Variants in KCNT2 observed in about 807,000 individuals in gnomAD.
KCNT2 encodes the protein potassium sodium-activated channel subfamily T member 2.
Under a neutral mutation model 153.8 loss-of-function variants are expected in KCNT2, and 67 were observed. The observed-to-expected ratio is 0.44, with a 90% CI of 0.36 to 0.53. KCNT2 has a LOEUF of 0.53. KCNT2 is among the 20% of genes least tolerant of loss of function. The pLI, the probability that KCNT2 is intolerant of heterozygous loss-of-function variation, is 0.00. For synonymous variants in KCNT2, 500 were observed against 458.8 expected (o/e 1.09, Z -1.15); for missense variants, 975 against 1,354.8 (o/e 0.72, Z 4.40).
At chr1:196,548,045 C>T (rs1657356825) in intron 1 of KCNT2, among the ~76,000 whole-genome samples, 1 of 151,434 alleles carries the variant, frequency 6.6e-6, no homozygotes, top group South Asian at 2.1e-4. Flanking sequence ...TATGGTGCTA[C>T]TCATTAAATA....
At chr1:196,547,349 T>TA (rs922122122) in intron 1 of KCNT2, among the ~76,000 whole-genome samples, 22 of 151,408 alleles carry the variant, frequency 1.5e-4, no homozygotes, top group East Asian at 7.8e-4. Context: ...TGCCATTATT[T>TA]AAAAAAAAAT....
chr1:196,366,087 A>G (rs374654694), intron 14 of KCNT2, among the ~76,000 whole-genome samples: 1 of 152,076 alleles, frequency 6.6e-6, no homozygotes, highest in African/African-American at 2.4e-5. Context: ...TCAGATCTCA[A>G]CTTTTACTAC....
At chr1:196,411,810 C>T (rs1672362410) in intron 12 of KCNT2, among the ~76,000 whole-genome samples, 1 of 151,718 alleles carries the variant, frequency 6.6e-6, no homozygotes, top group Non-Finnish European at 1.5e-5. Flanking sequence ...GGGATATATT[C>T]CAAGACCTTC....
chr1:196,402,977 A>G (rs1367784703), intron 12 of KCNT2, among the ~76,000 whole-genome samples: 1 of 151,686 alleles, frequency 6.6e-6, no homozygotes, highest in Non-Finnish European at 1.5e-5. Context: ...GGAATGCAAA[A>G]TGATACATCA....
In KCNT2 at chr1:196,226,547, T is replaced by A. The variant is rs1279285830; in HGVS notation, c.*1677A>T. On this transcript the variant is annotated 3_prime_UTR_variant, in exon 28 of 28. Coordinates refer to ENST00000294725, the MANE Select transcript of KCNT2 (RefSeq NM_198503.5). ...AAATACAGGGTCTCTGTTTTAGGGGTAATTCTTGGTGTTCTTGTTATTCTA... is the reference window on the plus strand; with the variant it reads ...AAATACAGGGTCTCTGTTTTAGGGGAAATTCTTGGTGTTCTTGTTATTCTA... 12 of 152,106 alleles carry A rather than the reference T, an allele frequency of 7.9e-5. No homozygotes were observed. In the East Asian group the frequency reaches 1.9e-3, roughly 24 times the overall value. 9.4% of individuals were successfully genotyped at this position (152,106 alleles called of 1,614,324 possible). A position where few individuals can be genotyped will look rare whatever the true frequency, so the allele number is the denominator to read the frequency against.
At chr1:196,527,115 C>T (rs1356856214) in intron 1 of KCNT2, among the ~76,000 whole-genome samples, 1 of 152,148 alleles carries the variant, frequency 6.6e-6, no homozygotes. Context: ...AACTGTGCCC[C>T]CACTGGTCTA....
intron 22 of KCNT2, among the ~76,000 whole-genome samples, chr1:196,286,006 T>C (rs1451264795): frequency 3.9e-5 from 6 of 152,032 alleles, no homozygotes; most frequent in Non-Finnish European, 7.4e-5. Context: ...ATGTATTTAC[T>C]CTTCATACAA....
intron 26 of KCNT2, chr1:196,257,345 T>C: frequency 1.0e-6 from 1 of 980,040 alleles, no homozygotes; most frequent in African/African-American, 1.7e-5. Context: ...CTAAGAACAT[T>C]GCCTCATGTT....
chr1:196,368,144 C>A (rs1668197268), intron 14 of KCNT2, among the ~76,000 whole-genome samples: 3 of 152,064 alleles, frequency 2.0e-5, no homozygotes, highest in African/African-American at 4.8e-5. Flanking sequence ...TTACATGGGG[C>A]AGAACACATT....
chr1:196,304,477 C>T (rs939858516), intron 22 of KCNT2, among the ~76,000 whole-genome samples: 4 of 152,056 alleles, frequency 2.6e-5, no homozygotes, highest in Non-Finnish European at 4.4e-5. Context: ...TCTCAGCTTC[C>T]CAGGTCACTC....
intron 14 of KCNT2, among the ~76,000 whole-genome samples, chr1:196,369,522 G>A (rs912396687): frequency 5.1e-5 from 7 of 138,024 alleles, no homozygotes; most frequent in South Asian, 2.2e-4. Context: ...TCCCCTTCCT[G>A]TGTCCATGTG....
chr1:196,363,332 C>T (rs1667780758), intron 14 of KCNT2, among the ~76,000 whole-genome samples: 1 of 152,038 alleles, frequency 6.6e-6, no homozygotes, highest in Non-Finnish European at 1.5e-5. Flanking sequence ...CTTTCTGCCA[C>T]CACAACATTT....
chr1:196,340,828 G>C (rs916168224), intron 15 of KCNT2, among the ~76,000 whole-genome samples: 3 of 151,332 alleles, frequency 2.0e-5, no homozygotes, highest in East Asian at 3.9e-4. Flanking sequence ...ATACACTAAG[G>C]GTAACATTAT....
chr1:196,548,705 C>T (rs760620029), intron 1 of KCNT2, among the ~76,000 whole-genome samples: 3 of 151,834 alleles, frequency 2.0e-5, no homozygotes, highest in Admixed American at 6.6e-5. Flanking sequence ...CACATGCACA[C>T]GTATGTTTAT....
At chr1:196,529,691 G>A (rs1654691206) in intron 1 of KCNT2, among the ~76,000 whole-genome samples, 1 of 152,026 alleles carries the variant, frequency 6.6e-6, no homozygotes, top group East Asian at 1.9e-4. Context: ...AGACTATTAA[G>A]GAAATGTTGA....
chr1:196,464,819 C>T (rs1269566165), intron 8 of KCNT2, among the ~76,000 whole-genome samples: 1 of 151,904 alleles, frequency 6.6e-6, no homozygotes, highest in Non-Finnish European at 1.5e-5. Flanking sequence ...CAGGTCTTGC[C>T]TTGCACTGTC....
At chr1:196,452,030 A>G (rs755049323) in intron 8 of KCNT2, among the ~76,000 whole-genome samples, 1 of 151,934 alleles carries the variant, frequency 6.6e-6, no homozygotes, top group East Asian at 1.9e-4. Context: ...CAGTATTTGT[A>G]TTATCTGATA....
At chr1:196,453,843 T>A (rs958355683) in intron 8 of KCNT2, among the ~76,000 whole-genome samples, 1 of 151,968 alleles carries the variant, frequency 6.6e-6, no homozygotes, top group Admixed American at 6.6e-5. Flanking sequence ...AAATGTAATA[T>A]AAGCTATCTG....
chr1:196,260,215 T>C (rs1375765461), intron 25 of KCNT2, among the ~76,000 whole-genome samples: 1 of 151,892 alleles, frequency 6.6e-6, no homozygotes, highest in East Asian at 1.9e-4. Context: ...GAAATAATAA[T>C]CTTGCCAAAC....
Sources: gnomAD v4.1 joint callset for allele counts (sites outside exome capture counted in the v4.1 genomes callset) on GRCh38, gnomAD v4.1.1 for gene constraint, MANE v1.5 for transcripts, NCBI Gene and HGNC (gene_info 2026-07-23, HGNC 2026-07-21) for gene names.